PAAF1: variants seen among roughly 807,000 people sequenced by gnomAD.
PAAF1 encodes the protein proteasomal ATPase-associated factor 1.
PAAF1 carries 46 observed loss-of-function variants against 52.8 expected under a neutral mutation model. The observed-to-expected ratio is 0.87, with a 90% confidence interval of 0.69 to 1.11. PAAF1 has a LOEUF of 1.11. PAAF1 is among the 50% of genes most tolerant of loss of function. PAAF1 has a pLI of 0.00. For synonymous variants in PAAF1, 178 were observed against 172.8 expected (o/e 1.03, Z -0.24); for missense variants, 424 against 477.4 (o/e 0.89, Z 1.04).
rs138205134 is a variant in PAAF1, at chr11:73,915,180, C to T, written c.819+676C>T. Among the ~76,000 whole-genome samples, 317 of 152,302 alleles carry T rather than the reference C, an allele frequency of 2.1e-3. 2 individuals carry two copies. Among genetic ancestry groups the T allele is most frequent in the African/African-American group, 7.1e-3 (296 of 41,572 alleles). On this transcript the variant is annotated intron_variant, in intron 8 of 11. Coordinates refer to ENST00000310571, the MANE Select transcript of PAAF1 (RefSeq NM_025155.3). ...TATGTGATGAGGATTAAATGGTCTACTGTTTTGTGATCTTTGTTAAGTCAC... is the reference window on the plus strand; with the variant it reads ...TATGTGATGAGGATTAAATGGTCTATTGTTTTGTGATCTTTGTTAAGTCAC...
At chr11:73,881,829 C>T (rs2135125073) in intron 2 of PAAF1, among the ~76,000 whole-genome samples, 1 of 152,116 alleles carries the variant, frequency 6.6e-6, no homozygotes, top group South Asian at 2.1e-4. Flanking sequence ...GCCTCAGCCT[C>T]CCAAGTAGCT....
chr11:73,878,661 C>A, intron 1 of PAAF1, 118 bp from the exon 2 acceptor site: 2 of 758,574 alleles, frequency 2.6e-6, no homozygotes, highest in Non-Finnish European at 4.5e-6. Flanking sequence ...GTTGGACTAT[C>A]TCATGTCTAA....
At chr11:73,909,669 C>G (rs1949874738) in intron 7 of PAAF1, 76 bp downstream of exon 7, 1 of 1,332,488 alleles carries the variant, frequency 7.5e-7, no homozygotes, top group South Asian at 1.3e-5. Context: ...TTCTCCTTTT[C>G]TTCCTCATCC....
chr11:73,878,637 A>G (rs537701053), intron 1 of PAAF1, 142 bp from the exon 2 acceptor site: 14 of 622,552 alleles, frequency 2.2e-5, no homozygotes, highest in East Asian at 2.1e-4. Flanking sequence ...AGAATGATCT[A>G]TACTCGATGA....
At chr11:73,899,115 C>T (rs373309105) in intron 4 of PAAF1, 31 bp from the exon 5 acceptor site, 109 of 1,532,174 alleles carry the variant, frequency 7.1e-5, no homozygotes, top group Non-Finnish European at 9.4e-5. Flanking sequence ...TTCATTATTT[C>T]TAACACATTG....
Position 73,926,119 on chromosome 11 carries a change from T to C in PAAF1, c.1102-1166T>C, listed in dbSNP as rs185033583. On this transcript the variant is annotated intron_variant, in intron 11 of 11. Coordinates refer to ENST00000310571, the MANE Select transcript of PAAF1 (RefSeq NM_025155.3). Reference sequence around the variant, plus strand: ...TATTTCTTTCTTTCTTTCTTTCTTTTTTTTGAGATGGAGTTTCGCTCTTGT... The same window carrying C: ...TATTTCTTTCTTTCTTTCTTTCTTTCTTTTGAGATGGAGTTTCGCTCTTGT... 2.8e-3 allele frequency among the ~76,000 whole-genome samples: 422 copies of C among 152,212 alleles called. 3 individuals carry two copies. Among genetic ancestry groups the C allele is most frequent in the African/African-American group, 8.4e-3 (350 of 41,536 alleles).
Position 73,929,059 on chromosome 11 carries a change from T to G in PAAF1, c.*1697T>G, listed in dbSNP as rs1950420639. 6.6e-6 allele frequency: 1 copy of G among 152,106 alleles called. No individual in the cohort carries two copies. The highest frequency in any genetic ancestry group is 2.4e-5 in the African/African-American group (1 of 41,402). The allele number at this position is 152,106 out of a possible 1,614,324, so 9.4% of individuals were successfully genotyped here. On this transcript the variant is annotated 3_prime_UTR_variant, in exon 12 of 12. Coordinates refer to ENST00000310571, the MANE Select transcript of PAAF1 (RefSeq NM_025155.3). ...TAAAGGCGTATTCTCATGTAAATTT[T>G]TTTTTTTTAAAGACAGGGTCTTGCT...
intron 2 of PAAF1, among the ~76,000 whole-genome samples, chr11:73,881,606 AC>A (rs979026568): frequency 1.3e-5 from 2 of 152,158 alleles, no homozygotes; most frequent in African/African-American, 4.8e-5. Flanking sequence ...TTTTAAAAAA[AC>A]ATTATCAAGT....
intron 10 of PAAF1, among the ~76,000 whole-genome samples, chr11:73,922,685 C>T (rs573841272): frequency 5.5e-4 from 84 of 152,130 alleles, no homozygotes; most frequent in African/African-American, 1.7e-3. Context: ...GGCATCATGG[C>T]GGGCGCCTGT....
intron 6 of PAAF1, among the ~76,000 whole-genome samples, chr11:73,904,136 G>A (rs1204158525): frequency 6.6e-6 from 1 of 151,824 alleles, no homozygotes; most frequent in African/African-American, 2.4e-5. Context: ...AATTGTGTGT[G>A]TGTGTGTATT....
chr11:73,905,789 C>T (rs1949738735), intron 6 of PAAF1, among the ~76,000 whole-genome samples: 1 of 152,166 alleles, frequency 6.6e-6, no homozygotes, highest in African/African-American at 2.4e-5. Context: ...AGCTTTCTAG[C>T]CACAGCTATA....
chr11:73,916,770 A>T, intron 9 of PAAF1, 110 bp downstream of exon 9: 2 of 612,990 alleles, frequency 3.3e-6, no homozygotes, highest in East Asian at 3.0e-5. Context: ...TCAAGGGTAT[A>T]TTTTTCCATT....
intron 8 of PAAF1, among the ~76,000 whole-genome samples, chr11:73,916,129 G>C (rs1950056026): frequency 6.6e-6 from 1 of 151,924 alleles, no homozygotes; most frequent in Admixed American, 6.6e-5. Flanking sequence ...ATTTAAGCCT[G>C]TTCATTTTCC....
intron 6 of PAAF1, among the ~76,000 whole-genome samples, chr11:73,902,900 C>T (rs752843931): frequency 6.6e-6 from 1 of 152,082 alleles, no homozygotes; most frequent in Non-Finnish European, 1.5e-5. Flanking sequence ...TGGGTTTCAC[C>T]ATATTGGCCA....
intron 6 of PAAF1, among the ~76,000 whole-genome samples, chr11:73,906,041 A>G (rs1949743998): frequency 6.6e-6 from 1 of 152,210 alleles, no homozygotes; most frequent in East Asian, 1.9e-4. Flanking sequence ...GTTGAAATAG[A>G]AATGTAGATT....
At chr11:73,883,571 T>G (rs1948977298) in intron 2 of PAAF1, among the ~76,000 whole-genome samples, 3 of 152,106 alleles carry the variant, frequency 2.0e-5, no homozygotes. Context: ...TGAAGTATAG[T>G]GGCACAATCT....
At position 73,887,457 on chromosome 11, in the gene PAAF1, G is replaced by T; in HGVS notation, c.192G>T (p.Lys64Asn). The T allele has an allele frequency of 6.3e-7, 1 of 1,593,428 alleles. No individual in the cohort carries two copies. The highest frequency in any genetic ancestry group is 1.1e-5 in the South Asian group (1 of 87,214). ...SEGFTVNEIN[K>N]KSIHISCPKE... is the part of the protein sequence containing the mutation. ...GATTTACTGTGAATGAAATAAACAA[G>T]GTATGTTTTTATGTCTTCTAGATGG... Residue 64 changes from lysine (K) to asparagine (N), a missense_variant and splice_region_variant, in exon 3 of 12, where the codon AAG becomes AAT. Transcript: ENST00000310571.
chr11:73,895,340 G>A (rs1339225202), intron 4 of PAAF1, among the ~76,000 whole-genome samples: 1 of 152,176 alleles, frequency 6.6e-6, no homozygotes, highest in Admixed American at 6.6e-5. Context: ...TTCAGTTTGA[G>A]GTTTCCAGTC....
At chr11:73,897,095 C>T (rs1366654161) in intron 4 of PAAF1, among the ~76,000 whole-genome samples, 3 of 144,630 alleles carry the variant, frequency 2.1e-5, no homozygotes, top group African/African-American at 2.6e-5. Context: ...GGCGGCTGGC[C>T]GGGCAGAGTG....
Sources: allele counts gnomAD v4.1 joint callset (sites outside exome capture counted in the v4.1 genomes callset), GRCh38; gene constraint gnomAD v4.1.1; transcripts MANE v1.5; gene names NCBI Gene and HGNC (gene_info 2026-07-23, HGNC 2026-07-21).